The following UPK3A variants were observed in gnomAD, a reference collection of about 807,000 sequenced individuals.
UPK3A encodes the protein uroplakin-3a.
UPK3A carries 32 observed loss-of-function variants against 27.6 expected under a neutral mutation model. That is an observed-to-expected ratio of 1.16 (90% CI 0.87 to 1.55). The LOEUF is 1.55. UPK3A is among the 40% of genes most tolerant of loss of function. UPK3A has a pLI of 0.00. For synonymous variants in UPK3A, 171 were observed against 163.9 expected, an observed-to-expected ratio of 1.04 and a Z score of -0.33; for missense variants, 370 against 367.9, an observed-to-expected ratio of 1.01 and a Z score of -0.05.
chr22:45,294,903 A>G (rs1049971148), intron 5 of UPK3A, among the ~76,000 whole-genome samples: 12 of 134,986 alleles, frequency 8.9e-5, no homozygotes, highest in Non-Finnish European at 1.9e-4. Context: ...TTTTTTTGAG[A>G]CGGAGTTTTG....
intron 4 of UPK3A, among the ~76,000 whole-genome samples, chr22:45,290,772 C>T (rs529464618): frequency 3.9e-5 from 6 of 152,276 alleles, no homozygotes; most frequent in Admixed American, 1.3e-4. Context: ...CCCTGTAGCT[C>T]GCATTACTGC....
intron 4 of UPK3A, among the ~76,000 whole-genome samples, chr22:45,289,907 C>T (rs540167736): frequency 2.7e-4 from 41 of 152,272 alleles, no homozygotes; most frequent in African/African-American, 9.6e-4. Context: ...TCCTCCGTCT[C>T]TCCAGCCCTT....
chr22:45,293,445 C>CGG (rs1387707996), intron 5 of UPK3A, 132 bp downstream of exon 5: 5 of 1,189,574 alleles, frequency 4.2e-6, no homozygotes, highest in Non-Finnish European at 6.1e-6. Context: ...CTCTGCCCCG[C>CGG]GGGTGGGGTC....
chr22:45,294,907 A>C (rs1004063316), intron 5 of UPK3A, among the ~76,000 whole-genome samples: 1 of 119,578 alleles, frequency 8.4e-6, no homozygotes, highest in Admixed American at 9.3e-5. Flanking sequence ...TTTGAGACGG[A>C]GTTTTGCTCT....
intron 5 of UPK3A, among the ~76,000 whole-genome samples, chr22:45,295,024 C>T (rs2084185856): frequency 2.0e-5 from 3 of 151,968 alleles, no homozygotes; most frequent in Admixed American, 6.6e-5. Flanking sequence ...CATCACCATG[C>T]CCAGCTAATT....
At position 45,285,008 on chromosome 22, in the gene UPK3A, C is replaced by T. The variant is rs1484355483; in HGVS notation, c.-6C>T. On this transcript the variant is annotated 5_prime_UTR_variant, in exon 1 of 6. Coordinates refer to ENST00000216211, the MANE Select transcript of UPK3A (RefSeq NM_006953.4). The stretch of plus-strand genomic sequence containing the variant: ...CGCCCCGCGCTCTGGCGGCTCCTCC[C>T]GGGCGATGCCTCCGCTCTGGGCCCT... 34 of 1,530,980 alleles carry T rather than the reference C, an allele frequency of 2.2e-5. No individual in the cohort carries two copies. The highest frequency in any genetic ancestry group is 2.8e-5 in the African/African-American group (2 of 72,546). The allele number at this position is 1,530,980 out of a possible 1,614,324, so 94.8% of individuals were successfully genotyped here.
Position 45,285,051 on chromosome 22 carries a change from T to A in UPK3A, c.38T>A (p.Leu13Gln), listed in dbSNP as rs1185103295. ...PLWALLALGC[L>Q]RFGSAVNLQP... The stretch of plus-strand genomic sequence containing the variant: ...TGGGCCCTGCTGGCCCTCGGCTGCC[T>A]GCGGTTCGGCTCGGGTAGGCGGTGA... Residue 13 changes from leucine (L) to glutamine (Q), a missense_variant, in exon 1 of 6, where the codon CTG becomes CAG. Coordinates refer to ENST00000216211, the MANE Select transcript of UPK3A (RefSeq NM_006953.4). 9 of 1,536,374 alleles carry A rather than the reference T, an allele frequency of 5.9e-6. No homozygotes were observed. The East Asian group carries it at 1.5e-4, about 25-fold the overall frequency.
At position 45,295,607 on chromosome 22, in the gene UPK3A, C is replaced by T. The variant is rs371349424; in HGVS notation, c.752C>T (p.Thr251Ile). The T allele has an allele frequency of 8.1e-5, 130 of 1,613,992 alleles. No homozygotes were observed. Among genetic ancestry groups the T allele is most frequent in the Non-Finnish European group, 1.1e-4 (127 of 1,180,044 alleles). ...GAAACGACTCACGACTCCCAAATCA[C>T]TCAGGAGGCTGTTCCCAAGTCGCTG... ...DGETTHDSQI[T>I]QEAVPKSLGA... The change falls in exon 6 of 6, where the codon ACT becomes ATT. Residue 251 changes from threonine to isoleucine, a missense_variant. Physicochemically the swap from Thr to Ile is moderately conservative, Grantham distance 89 (BLOSUM62 -1). Transcript: ENST00000216211.
chr22:45,293,293 C>A lies in UPK3A; in HGVS notation c.684C>A (p.Gly228=), dbSNP rs753266315. 8 of 1,613,884 alleles carry A rather than the reference C, an allele frequency of 5.0e-6. No individual in the cohort carries two copies. The highest frequency in any genetic ancestry group is 3.3e-5 in the Admixed American group (2 of 59,988). The stretch of plus-strand genomic sequence containing the variant: ...TCTTTCTACTTGTGGGTTTTGCTGG[C>A]GCCATTGCCCTCAGCCTCGTGTAAG... ...LPFFLLVGFA[G]AIALSLVDMG... is the part of the protein sequence containing the mutation. Residue 228 remains glycine, a synonymous_variant, in exon 5 of 6, where the codon GGC becomes GGA. Transcript: ENST00000216211.
chr22:45,285,943 G>A lies in UPK3A; in HGVS notation c.55G>A (p.Val19Met), dbSNP rs769375416. The change falls in exon 2 of 6, where the codon GTG becomes ATG. Residue 19 changes from valine to methionine, a missense_variant and splice_region_variant. Physicochemically the swap from Val to Met is conservative, Grantham distance 21. Transcript: ENST00000216211. The part of the protein sequence containing the change: ...ALGCLRFGSA[V>M]NLQPQLASVT... ...CCCATCCTCACTGCCTCCTCCAGCTGTGAACCTGCAGCCCCAACTGGCCAG... is the reference window on the plus strand; with the variant it reads ...CCCATCCTCACTGCCTCCTCCAGCTATGAACCTGCAGCCCCAACTGGCCAG... 19 of 1,613,974 alleles carry A rather than the reference G, an allele frequency of 1.2e-5. No homozygotes were observed. The East Asian group carries it at 1.3e-4, about 11-fold the overall frequency.
Position 45,291,567 on chromosome 22 carries a change from C to T in UPK3A, c.572-1614C>T, listed in dbSNP as rs541096382. Among the ~76,000 whole-genome samples, 155 of 120,574 alleles carry T rather than the reference C, an allele frequency of 1.3e-3. 1 individual carries two copies. Among genetic ancestry groups the T allele is most frequent in the African/African-American group, 4.8e-3 (147 of 30,568 alleles). The allele number at this position is 120,574 out of a possible 152,430, so 79.1% of individuals were successfully genotyped here. On this transcript the variant is annotated intron_variant, in intron 4 of 5. Transcript: ENST00000216211. Reference sequence around the variant, plus strand: ...GTGTTAGAGTGTGGCAGTGTGTGTGCGTGTGTAAGAGTTTGAGTTGGTGTG... The same window carrying T: ...GTGTTAGAGTGTGGCAGTGTGTGTGTGTGTGTAAGAGTTTGAGTTGGTGTG...
chr22:45,289,878 C>G (rs542200998), intron 4 of UPK3A, among the ~76,000 whole-genome samples: 1 of 152,176 alleles, frequency 6.6e-6, no homozygotes, highest in African/African-American at 2.4e-5. Flanking sequence ...TGGGTGTAAG[C>G]GGATCAAAGC....
At position 45,293,268 on chromosome 22, in the gene UPK3A, T is replaced by C; in HGVS notation, c.659T>C (p.Phe220Ser). The change falls in exon 5 of 6, where the codon TTC becomes TCC. Residue 220 changes from phenylalanine (F) to serine (S), a missense_variant. Coordinates refer to ENST00000216211, the MANE Select transcript of UPK3A (RefSeq NM_006953.4). ...VITSILGSLP[F>S]FLLVGFAGAI... is the part of the protein sequence containing the mutation. ...ACTTCCATCCTGGGCTCCCTGCCCT[T>C]CTTTCTACTTGTGGGTTTTGCTGGC... 1 of 1,614,146 alleles carries C rather than the reference T, an allele frequency of 6.2e-7. No individual in the cohort carries two copies. The highest frequency in any genetic ancestry group is 1.7e-5 in the Admixed American group (1 of 60,024).
chr22:45,288,937 C>G, intron 3 of UPK3A, 124 bp from the exon 4 acceptor site: 4 of 880,096 alleles, frequency 4.5e-6, no homozygotes, highest in South Asian at 4.1e-5. Context: ...TCTACATTTC[C>G]GTCTCCTGGA....
chr22:45,293,361 C>T (rs1172829463), intron 5 of UPK3A, 48 bp downstream of exon 5: 1 of 1,610,396 alleles, frequency 6.2e-7, no homozygotes, highest in Admixed American at 1.7e-5. Flanking sequence ...ACATGCCAGA[C>T]ACATTTGGCT....
rs528548883 is a variant in UPK3A at position 45,291,399 on chromosome 22, G to A, written c.572-1782G>A. Among the ~76,000 whole-genome samples, 7 of 100,368 alleles carry A rather than the reference G, an allele frequency of 7.0e-5. 1 individual carries two copies. In the South Asian group the frequency reaches 2.3e-3, roughly 34 times the overall value. 65.8% of individuals were successfully genotyped at this position (100,368 alleles called of 152,430 possible). A position where few individuals can be genotyped will look rare whatever the true frequency, so the allele number is the denominator to read the frequency against. On this transcript the variant is annotated intron_variant, in intron 4 of 5. Transcript: ENST00000216211. ...GTGGTGTATGTGTGTGTGGTGTGTG[G>A]GTGGTGTGAGAGTGTGTATTGTATG...
Position 45,287,299 on chromosome 22 carries a change from C to T in UPK3A, c.336C>T (p.Asp112=), listed in dbSNP as rs1335086652. ...CCTTTGACCTGATCCCCTGCAGTGA[C>T]CTGCCCAGCCTGGATGCCATTGGGG... ...AVAFDLIPCS[D]LPSLDAIGDV... Residue 112 remains aspartate (D), a synonymous_variant, in exon 3 of 6, where the codon GAC becomes GAT. Coordinates refer to ENST00000216211, the MANE Select transcript of UPK3A (RefSeq NM_006953.4). 1 of 1,614,222 alleles carries T rather than the reference C, an allele frequency of 6.2e-7. No individual in the cohort carries two copies. Among genetic ancestry groups the T allele is most frequent in the Non-Finnish European group, 8.5e-7 (1 of 1,180,032 alleles).
intron 4 of UPK3A, among the ~76,000 whole-genome samples, chr22:45,292,488 A>G (rs1363971385): frequency 6.6e-6 from 1 of 152,204 alleles, no homozygotes; most frequent in Non-Finnish European, 1.5e-5. Context: ...CCATCCCCAG[A>G]AGAGTGACAG....
intron 5 of UPK3A, 24 bp downstream of exon 5, chr22:45,293,337 G>A (rs1006114105): frequency 3.1e-6 from 5 of 1,613,010 alleles, no homozygotes; most frequent in Non-Finnish European, 4.2e-6. Flanking sequence ...TGCTGGGAGG[G>A]CTGGACCCCA....
Sources: gnomAD v4.1 joint callset for allele counts (sites outside exome capture counted in the v4.1 genomes callset) on GRCh38, gnomAD v4.1.1 for gene constraint, MANE v1.5 for transcripts, NCBI Gene and HGNC (gene_info 2026-07-23, HGNC 2026-07-21) for gene names.